PPFIBP1: variants seen among roughly 807,000 people sequenced by gnomAD.
PPFIBP1 encodes the protein liprin-beta-1.
In PPFIBP1, 112 loss-of-function variants were observed where a neutral mutation model predicts 137.8. That is an observed-to-expected ratio of 0.81 (90% CI 0.70 to 0.95). The LOEUF is 0.95. PPFIBP1 is among the 40% of genes least tolerant of loss of function. The pLI, the probability that PPFIBP1 is intolerant of heterozygous loss-of-function variation, is 0.00. For missense variants in PPFIBP1, 1,083 were observed against 1,196.6 expected, an observed-to-expected ratio of 0.91 and a Z score of 1.40; for synonymous variants, 378 against 417.3, an observed-to-expected ratio of 0.91 and a Z score of 1.15.
intron 15 of PPFIBP1, 48 bp from the exon 16 acceptor site, chr12:27,673,719 G>A (rs759297100): frequency 1.3e-6 from 2 of 1,495,492 alleles, no homozygotes; most frequent in South Asian, 2.3e-5. Context: ...CTTAGAAACA[G>A]TGGCACTGGA....
chr12:27,557,296 C>T (rs994255146), intron 1 of PPFIBP1, among the ~76,000 whole-genome samples: 2 of 148,824 alleles, frequency 1.3e-5, no homozygotes, highest in Non-Finnish European at 3.0e-5. Flanking sequence ...AGTGCAGCAG[C>T]GAGATCTCGG....
Position 27,577,962 on chromosome 12 carries a change from G to A in PPFIBP1, c.-123-190G>A, listed in dbSNP as rs562742773. Among the ~76,000 whole-genome samples the A allele has an allele frequency of 7.9e-5, 12 of 152,076 alleles. 1 individual carries two copies. Among genetic ancestry groups the A allele is most frequent in the African/African-American group, 2.4e-4 (10 of 41,454 alleles). ...GGGAGAGAAGGGTGGAGTGCTGGACGGGGAAGAAGGAAGAAGGAGGATAGG... is the reference window on the plus strand; with the variant it reads ...GGGAGAGAAGGGTGGAGTGCTGGACAGGGAAGAAGGAAGAAGGAGGATAGG... On this transcript the variant is annotated intron_variant, in intron 1 of 29. Transcript: ENST00000228425.
chr12:27,548,826 A>T (rs1331689152), intron 1 of PPFIBP1: 1 of 152,020 alleles, frequency 6.6e-6, no homozygotes, highest in African/African-American at 2.4e-5. Context: ...AGCCCCCTGG[A>T]CTCTGTGTAT....
At chr12:27,649,220 C>T (rs541409249) in intron 6 of PPFIBP1, among the ~76,000 whole-genome samples, 2 of 152,250 alleles carry the variant, frequency 1.3e-5, no homozygotes, top group Admixed American at 1.3e-4. Context: ...CGTAGGTTTC[C>T]ATTCCTGCTG....
intron 1 of PPFIBP1, among the ~76,000 whole-genome samples, chr12:27,536,849 C>T (rs1945077691): frequency 6.6e-6 from 1 of 152,182 alleles, no homozygotes; most frequent in Non-Finnish European, 1.5e-5. Flanking sequence ...GCCCAGGTCA[C>T]AGGTCCATGA....
intron 12 of PPFIBP1, 40 bp downstream of exon 12, chr12:27,664,486 T>A: frequency 8.8e-6 from 12 of 1,357,980 alleles, no homozygotes; most frequent in Non-Finnish European, 1.3e-5. Context: ...TTTGGTTGAC[T>A]CTAAGTGGCT....
intron 19 of PPFIBP1, among the ~76,000 whole-genome samples, chr12:27,678,856 C>CAGGGGAAAAAAAAAAAAAAAAAA (rs2060691363): frequency 1.0e-5 from 1 of 98,972 alleles, no homozygotes; most frequent in African/African-American, 4.2e-5. Context: ...GACTCTGTCT[C>CAGGGGAAAAAAAAAAAAAAAAAA]AAAAAAAAAA....
chr12:27,596,579 T>C (rs2053337094), intron 2 of PPFIBP1, among the ~76,000 whole-genome samples: 1 of 152,168 alleles, frequency 6.6e-6, no homozygotes, highest in Non-Finnish European at 1.5e-5. Flanking sequence ...TGGAGTACAA[T>C]GATGCCATCA....
intron 1 of PPFIBP1, among the ~76,000 whole-genome samples, chr12:27,557,729 T>C (rs1460002410): frequency 6.6e-6 from 1 of 152,188 alleles, no homozygotes; most frequent in African/African-American, 2.4e-5. Flanking sequence ...TCATGAAAAG[T>C]CTCCAACACT....
chr12:27,525,850 T>C (rs1943682868), intron 1 of PPFIBP1, among the ~76,000 whole-genome samples: 2 of 152,248 alleles, frequency 1.3e-5, no homozygotes, highest in South Asian at 4.1e-4. Context: ...TGCTGTTGTT[T>C]ATGACATACC....
intron 1 of PPFIBP1, among the ~76,000 whole-genome samples, chr12:27,566,005 C>CATACCATA (rs57884386): frequency 0.44 from 66,204 of 151,650 alleles, 14,959 homozygotes; most frequent in South Asian, 0.61. Flanking sequence ...ATGTGACAGC[C>CATACCATA]TTATGTTAGA....
chr12:27,647,700 C>T (rs752956623), intron 5 of PPFIBP1, 29 bp from the exon 6 acceptor site: 1 of 1,416,612 alleles, frequency 7.1e-7, no homozygotes, highest in Non-Finnish European at 9.5e-7. Flanking sequence ...TTCTTTTTCA[C>T]TCATTGCATT....
intron 2 of PPFIBP1, among the ~76,000 whole-genome samples, chr12:27,593,013 TC>T (rs1405692411): frequency 1.3e-5 from 2 of 150,132 alleles, no homozygotes; most frequent in East Asian, 3.9e-4. Context: ...ACGCCTATAA[TC>T]CCAGCTACTC....
Position 27,654,792 on chromosome 12 carries a change from A to C in PPFIBP1, c.674A>C (p.Glu225Ala). The C allele has an allele frequency of 2.5e-6, 4 of 1,612,182 alleles. No individual in the cohort carries two copies. The highest frequency in any genetic ancestry group is 3.4e-6 in the Non-Finnish European group (4 of 1,179,414). ...SEMDSERLQY[E>A]KKLKSTKDEL... ...ATGGACAGTGAGAGACTTCAGTATG[A>C]AAAAAAGCTTAAATCAACCAAAGTA... Residue 225 changes from glutamate (E) to alanine (A), a missense_variant, in exon 8 of 30, where the codon GAA (glutamate) becomes GCA (alanine). Glu to Ala is a moderately radical substitution (Grantham distance 107). Coordinates refer to ENST00000228425, the MANE Select transcript of PPFIBP1 (RefSeq NM_003622.4).
chr12:27,628,116 T>A (rs1254474996), intron 2 of PPFIBP1, among the ~76,000 whole-genome samples: 3 of 152,170 alleles, frequency 2.0e-5, no homozygotes, highest in African/African-American at 7.2e-5. Flanking sequence ...TATTAGCCAC[T>A]TAGAATCCAG....
intron 2 of PPFIBP1, among the ~76,000 whole-genome samples, chr12:27,605,114 G>C (rs2033025): frequency 0.15 from 22,383 of 152,138 alleles, 2,164 homozygotes; most frequent in African/African-American, 0.26. Flanking sequence ...CAAACCATAT[G>C]ATTACCCAGA....
chr12:27,680,101 A>G (rs2060791639), intron 21 of PPFIBP1, 40 bp downstream of exon 21: 6 of 1,609,268 alleles, frequency 3.7e-6, no homozygotes, highest in Admixed American at 3.4e-5. Flanking sequence ...ATCTCTACCA[A>G]GCATCATAGC....
intron 1 of PPFIBP1, among the ~76,000 whole-genome samples, chr12:27,550,816 G>C (rs1946688262): frequency 6.6e-6 from 1 of 151,982 alleles, no homozygotes; most frequent in Non-Finnish European, 1.5e-5. Flanking sequence ...TTGCAATCCT[G>C]TCTTAACTGG....
intron 1 of PPFIBP1, among the ~76,000 whole-genome samples, chr12:27,576,380 G>A (rs1162338611): frequency 6.6e-6 from 1 of 152,102 alleles, no homozygotes; most frequent in Non-Finnish European, 1.5e-5. Flanking sequence ...GCAGAAACCC[G>A]CCATGTCTTG....
Sources: allele counts gnomAD v4.1 joint callset (sites outside exome capture counted in the v4.1 genomes callset), GRCh38; gene constraint gnomAD v4.1.1; transcripts MANE v1.5; gene names NCBI Gene and HGNC (gene_info 2026-07-23, HGNC 2026-07-21).